GPT2: variants seen among roughly 807,000 people sequenced by gnomAD.
The protein encoded by GPT2 is alanine aminotransferase 2.
GPT2 carries 30 observed loss-of-function variants against 56.9 expected under a neutral mutation model. The observed-to-expected ratio is 0.53, with a 90% CI of 0.39 to 0.72. The LOEUF (loss-of-function observed/expected upper bound fraction) is 0.72. Ranked by LOEUF, GPT2 falls within the 30% of genes least tolerant of loss-of-function variation. The pLI is 0.00. For missense variants in GPT2, 542 were observed against 703.4 expected, an observed-to-expected ratio of 0.77 and a Z score of 2.60; for synonymous variants, 271 against 283.1, an observed-to-expected ratio of 0.96 and a Z score of 0.43.
At chr16:46,918,381 G>A (rs1198145752) in intron 7 of GPT2, among the ~76,000 whole-genome samples, 1 of 152,202 alleles carries the variant, frequency 6.6e-6, no homozygotes, top group African/African-American at 2.4e-5. Context: ...GGGTGGGGAC[G>A]AGTGTGAGAG....
At chr16:46,925,156 T>C (rs1596635811) in intron 10 of GPT2, among the ~76,000 whole-genome samples, 1 of 151,896 alleles carries the variant, frequency 6.6e-6, no homozygotes, top group Non-Finnish European at 1.5e-5. Context: ...CAAGGGAACC[T>C]CCCATTTCAG....
intron 2 of GPT2, 177 bp downstream of exon 2, chr16:46,885,135 ACCG>A: frequency 1.5e-6 from 2 of 1,344,036 alleles, no homozygotes; most frequent in Non-Finnish European, 1.9e-6. Context: ...GGTGCCCAGC[ACCG>A]GGCACTCAGT....
Position 46,929,108 on chromosome 16 carries a change from T to C in GPT2, c.*111T>C. On this transcript the variant is annotated 3_prime_UTR_variant, in exon 12 of 12. Transcript: ENST00000340124. ...CCTCGGGCCTCGCAGAGGCCGCTGGTCACTTCGTCATCATTTTGCCCCTGG... is the reference window on the plus strand; with the variant it reads ...CCTCGGGCCTCGCAGAGGCCGCTGGCCACTTCGTCATCATTTTGCCCCTGG... 1 of 767,198 alleles carries C rather than the reference T, an allele frequency of 1.3e-6. No individual in the cohort carries two copies. The highest frequency in any genetic ancestry group is 2.3e-6 in the Non-Finnish European group (1 of 439,700). 47.5% of individuals were successfully genotyped at this position (767,198 alleles called of 1,614,324 possible). A position where few individuals can be genotyped will look rare whatever the true frequency, so the allele number is the denominator to read the frequency against.
At chr16:46,916,789 C>A in intron 7 of GPT2, 82 bp downstream of exon 7, 1 of 946,030 alleles carries the variant, frequency 1.1e-6, no homozygotes, top group Non-Finnish European at 1.7e-6. Flanking sequence ...GTTCTGCAGC[C>A]AGAGAGAACT....
chr16:46,897,822 C>G, intron 3 of GPT2, 85 bp downstream of exon 3: 5 of 1,150,166 alleles, frequency 4.3e-6, no homozygotes, highest in Non-Finnish European at 6.4e-6. Context: ...TCTGCCCCCT[C>G]GATGTCCAGG....
At chr16:46,895,050 G>A (rs902226526) in intron 2 of GPT2, among the ~76,000 whole-genome samples, 1 of 152,080 alleles carries the variant, frequency 6.6e-6, no homozygotes, top group Non-Finnish European at 1.5e-5. Flanking sequence ...CCCCTTCCCC[G>A]AGAAACATAG....
At chr16:46,888,373 G>A (rs1360304202) in intron 2 of GPT2, among the ~76,000 whole-genome samples, 3 of 152,164 alleles carry the variant, frequency 2.0e-5, no homozygotes, top group Non-Finnish European at 2.9e-5. Flanking sequence ...TTGAGACTGC[G>A]TCTAATTCTG....
At chr16:46,885,227 T>A in intron 2 of GPT2, 1 of 1,224,764 alleles carries the variant, frequency 8.2e-7, no homozygotes. Context: ...CACCGCACGT[T>A]GTGTGTCTGC....
In GPT2 at chr16:46,918,770, C is replaced by T; in HGVS notation, c.1037+13C>T. The T allele has an allele frequency of 3.7e-6, 6 of 1,613,218 alleles. No individual in the cohort carries two copies. Among genetic ancestry groups the T allele is most frequent in the Non-Finnish European group, 5.1e-6 (6 of 1,179,878 alleles). ...GCTACATGGGCGAGTACGTGGGCCT[C>T]CCTTCCCTCTGCCACTGCTGGGCCT... On this transcript the variant is annotated intron_variant, in intron 8 of 11. Coordinates refer to ENST00000340124, the MANE Select transcript of GPT2 (RefSeq NM_133443.4).
intron 8 of GPT2, among the ~76,000 whole-genome samples, chr16:46,920,513 G>A (rs1961265663): frequency 6.6e-6 from 1 of 152,260 alleles, no homozygotes. Context: ...CAGAGACTGA[G>A]GAGAGACCAG....
Position 46,929,124 on chromosome 16 carries a change from T to G in GPT2, c.*127T>G, listed in dbSNP as rs930157024. ...GGCCGCTGGTCACTTCGTCATCATT[T>G]TGCCCCTGGAGACGTCTTTCTTTGT... On this transcript the variant is annotated 3_prime_UTR_variant, in exon 12 of 12. Coordinates refer to ENST00000340124, the MANE Select transcript of GPT2 (RefSeq NM_133443.4). The G allele has an allele frequency of 1.4e-6, 1 of 706,542 alleles. No individual in the cohort carries two copies. The highest frequency in any genetic ancestry group is 1.8e-5 in the African/African-American group (1 of 56,170). The allele number at this position is 706,542 out of a possible 1,614,324, so 43.8% of individuals were successfully genotyped here. A position where few individuals can be genotyped will look rare whatever the true frequency, so the allele number is the denominator to read the frequency against.
chr16:46,899,035 ATTTT>A (rs1188592006), intron 3 of GPT2, among the ~76,000 whole-genome samples: 1 of 77,226 alleles, frequency 1.3e-5, no homozygotes, highest in African/African-American at 9.0e-5. Flanking sequence ...ATATATATAT[ATTTT>A]TTTTTTTTTA....
Position 46,929,474 on chromosome 16 carries a change from TGGGGCTGAGAAA to T in GPT2, c.*481_*492del, listed in dbSNP as rs1280436487. The T allele has an allele frequency of 6.1e-6, 1 of 164,592 alleles. No homozygotes were observed. The highest frequency in any genetic ancestry group is 5.7e-5 in the Admixed American group (1 of 17,466). The allele number at this position is 164,592 out of a possible 1,614,324, so 10.2% of individuals were successfully genotyped here. A position where few individuals can be genotyped will look rare whatever the true frequency, so the allele number is the denominator to read the frequency against. ...TGAACAGAAGGGCCTGGAAGGCCCC[TGGGGCTGAGAAA>T]GGGTCCGCCCGGTGGCCTGGAGGCA... is the stretch of plus-strand genomic sequence containing the variant. On this transcript the variant is annotated 3_prime_UTR_variant, in exon 12 of 12. Coordinates refer to ENST00000340124, the MANE Select transcript of GPT2 (RefSeq NM_133443.4).
At position 46,887,337 on chromosome 16, in the gene GPT2, A is replaced by G. The variant is rs567197313; in HGVS notation, c.243+2379A>G. On this transcript the variant is annotated intron_variant, in intron 2 of 11. Transcript: ENST00000340124. ...ACAAAAATTAGCCGGGCATGGTGGT[A>G]CACGCTTGTAACTCCAGCTACTCGG... Among the ~76,000 whole-genome samples the G allele has an allele frequency of 8.1e-4, 124 of 152,184 alleles. 1 individual carries two copies. Among genetic ancestry groups the G allele is most frequent in the Non-Finnish European group, 1.6e-3 (107 of 68,040 alleles).
At chr16:46,900,864 A>G in intron 4 of GPT2, 74 bp downstream of exon 4, 2 of 1,250,040 alleles carry the variant, frequency 1.6e-6, no homozygotes, top group Non-Finnish European at 2.3e-6. Flanking sequence ...CCTCAAGCGG[A>G]GGGTCCTGCA....
intron 6 of GPT2, among the ~76,000 whole-genome samples, chr16:46,911,835 A>C (rs1399676964): frequency 6.6e-6 from 1 of 152,208 alleles, no homozygotes; most frequent in Admixed American, 6.5e-5. Context: ...TACCTAGTCC[A>C]CATCACAGAG....
chr16:46,924,122 A>C, intron 9 of GPT2: 6 of 483,528 alleles, frequency 1.2e-5, no homozygotes, highest in Middle Eastern at 5.9e-4. Flanking sequence ...GCTCAGGCTC[A>C]CACAAGCTCT....
At chr16:46,918,357 G>A (rs1034305148) in intron 7 of GPT2, among the ~76,000 whole-genome samples, 2 of 152,208 alleles carry the variant, frequency 1.3e-5, no homozygotes, top group Non-Finnish European at 2.9e-5. Flanking sequence ...GGGTGGAAGG[G>A]AAGTCTGGGG....
At chr16:46,923,932 A>G in intron 9 of GPT2, 1 of 277,822 alleles carries the variant, frequency 3.6e-6, no homozygotes, top group Non-Finnish European at 7.1e-6. Context: ...ATTTTCTGGA[A>G]AGACATCCTG....
Sources: allele counts gnomAD v4.1 joint callset (sites outside exome capture counted in the v4.1 genomes callset), GRCh38; gene constraint gnomAD v4.1.1; transcripts MANE v1.5; gene names NCBI Gene and HGNC (gene_info 2026-07-23, HGNC 2026-07-21).